The following ZNF24 variants were observed in gnomAD, a reference collection of about 807,000 sequenced individuals.
ZNF24 encodes the protein retinoic acid suppression protein A.
A neutral mutation model predicts 40.9 loss-of-function variants in ZNF24; 11 were observed. The ratio of observed to expected loss-of-function variants is 0.27; its 90% CI spans 0.17 to 0.45. The LOEUF is 0.45. ZNF24 is among the 20% of genes least tolerant of loss of function. The pLI, the probability that ZNF24 is intolerant of heterozygous loss-of-function variation, is 1.00. For synonymous variants in ZNF24, 139 were observed against 154.7 expected, an observed-to-expected ratio of 0.90 and a Z score of 0.75; for missense variants, 293 against 437.7, an observed-to-expected ratio of 0.67 and a Z score of 2.95.
At position 35,332,497 on chromosome 18, in the gene ZNF24, C is replaced by T. The variant is rs2044867461; in HGVS notation, c.*4735G>A. The T allele has an allele frequency of 6.6e-6, 1 of 152,620 alleles. No individual in the cohort carries two copies. Among genetic ancestry groups the T allele is most frequent in the African/African-American group, 2.4e-5 (1 of 41,432 alleles). The allele number at this position is 152,620 out of a possible 1,614,324, so 9.5% of individuals were successfully genotyped here. A position where few individuals can be genotyped will look rare whatever the true frequency, so the allele number is the denominator to read the frequency against. The stretch of plus-strand genomic sequence containing the variant: ...TTAGTTCTCTTTCCATTTCTGCTAG[C>T]ATCCGAGTTTCTCCTCAGACAGACT... On this transcript the variant is annotated 3_prime_UTR_variant, in exon 4 of 4. Transcript: ENST00000261332.
rs1224907886 is a variant in ZNF24 at position 35,339,986 on chromosome 18, G to GA, written c.421-11dup. 1.2e-6 allele frequency: 2 copies of GA among 1,603,806 alleles called. No homozygotes were observed. The highest frequency in any genetic ancestry group is 2.7e-5 in the African/African-American group (2 of 74,648). On this transcript the variant is annotated splice_polypyrimidine_tract_variant and intron_variant, in intron 2 of 3. Coordinates refer to ENST00000261332, the MANE Select transcript of ZNF24 (RefSeq NM_006965.4). Reference sequence around the variant, plus strand: ...GTCGACGGAGAGAAACCTGGAAACAGAAAGATTTGATTCAGAGAAGGAACT... The same window carrying GA: ...GTCGACGGAGAGAAACCTGGAAACAGAAAAGATTTGATTCAGAGAAGGAACT...
chr18:35,339,833 G>C lies in ZNF24; in HGVS notation c.564C>G (p.His188Gln). 1 of 1,601,606 alleles carries C rather than the reference G, an allele frequency of 6.2e-7. No homozygotes were observed. Among genetic ancestry groups the C allele is most frequent in the Non-Finnish European group, 8.5e-7 (1 of 1,170,136 alleles). ...ACACAGAGTTCTGGTCCTCACCACAGTGCCTTAGGGAATGGAGCTCCCAGG... is the reference window on the plus strand; with the variant it reads ...ACACAGAGTTCTGGTCCTCACCACACTGCCTTAGGGAATGGAGCTCCCAGG... ...WASWELHSLRHCDDDGRTENG... is the reference protein window; with the variant it reads ...WASWELHSLRQCDDDGRTENG... The change falls in exon 3 of 4, where the codon CAC becomes CAG. Residue 188 changes from histidine to glutamine, a missense_variant. By Grantham distance (24) the His-to-Gln change is conservative. Around this residue, in one of 2 missense-constraint regions of ZNF24, gnomAD observed 234 missense variants for 299.2 expected, o/e 0.78. Coordinates refer to ENST00000261332, the MANE Select transcript of ZNF24 (RefSeq NM_006965.4).
In ZNF24 at chr18:35,340,514, G is replaced by A. The variant is rs374877566; in HGVS notation, c.137C>T (p.Pro46Leu). The A allele has an allele frequency of 7.4e-6, 12 of 1,614,100 alleles. No homozygotes were observed. The highest frequency in any genetic ancestry group is 1.0e-5 in the Non-Finnish European group (12 of 1,180,044). Residue 46 changes from proline to leucine, a missense_variant, in exon 2 of 4, where the codon CCA becomes CTA. This residue lies in a region of ZNF24 where 234 missense variants were observed against 299.2 expected (regional missense o/e 0.78). Transcript: ENST00000261332. The surrounding 1 kb of genome is among the most constrained non-coding windows in gnomAD (Gnocchi z 4.6). Reference sequence around the variant, plus strand: ...TCGCTGTCGGAAAATCTCTGGGTCTGGGAGATGGTTCCAGGGGATACTTGA... The same window carrying A: ...TCGCTGTCGGAAAATCTCTGGGTCTAGGAGATGGTTCCAGGGGATACTTGA... ...EGSSIPWNHLPDPEIFRQRFR... is the reference protein window; with the variant it reads ...EGSSIPWNHLLDPEIFRQRFR...
intron 3 of ZNF24, chr18:35,338,360 G>A (rs1369243213): frequency 1.0e-6 from 1 of 985,244 alleles, no homozygotes; most frequent in Non-Finnish European, 1.2e-6. Flanking sequence ...AATTCAGTAT[G>A]CCCCTAATAA....
At position 35,340,750 on chromosome 18, in the gene ZNF24, A is replaced by C. The variant is rs2044961717; in HGVS notation, c.-83-17T>G. The stretch of plus-strand genomic sequence containing the variant: ...CAGGCACTCCTGAGGCATAAGAAAT[A>C]AAAGATATATAAATAAGCAAAAATA... On this transcript the variant is annotated splice_polypyrimidine_tract_variant and intron_variant, in intron 1 of 3. Transcript: ENST00000261332. The surrounding 1 kb of genome is among the most constrained non-coding windows in gnomAD (Gnocchi z 4.6). 1.9e-6 allele frequency: 2 copies of C among 1,078,180 alleles called. No homozygotes were observed. The highest frequency in any genetic ancestry group is 5.1e-5 in the East Asian group (2 of 39,588). The allele number at this position is 1,078,180 out of a possible 1,614,324, so 66.8% of individuals were successfully genotyped here. A position where few individuals can be genotyped will look rare whatever the true frequency, so the allele number is the denominator to read the frequency against.
In ZNF24 at chr18:35,332,504, G is replaced by A. The variant is rs1381075686; in HGVS notation, c.*4728C>T. On this transcript the variant is annotated 3_prime_UTR_variant, in exon 4 of 4. Transcript: ENST00000261332. ...TCTTTCCATTTCTGCTAGCATCCGA[G>A]TTTCTCCTCAGACAGACTCTCTCCA... The A allele has an allele frequency of 6.6e-6, 1 of 152,590 alleles. No homozygotes were observed. Among genetic ancestry groups the A allele is most frequent in the Non-Finnish European group, 1.5e-5 (1 of 68,044 alleles). 9.5% of individuals were successfully genotyped at this position (152,590 alleles called of 1,614,324 possible). A position where few individuals can be genotyped will look rare whatever the true frequency, so the allele number is the denominator to read the frequency against.
chr18:35,340,568 A>C lies in ZNF24; in HGVS notation c.83T>G (p.Leu28Trp). 2 of 1,614,196 alleles carry C rather than the reference A, an allele frequency of 1.2e-6. No individual in the cohort carries two copies. Among genetic ancestry groups the C allele is most frequent in the Non-Finnish European group, 1.7e-6 (2 of 1,180,032 alleles). Reference sequence around the variant, plus strand: ...CTCTTCGCCATCAGGATCCTCCTCCAACTTCACTCTCAGAATTTTTTCCTC... The same window carrying C: ...CTCTTCGCCATCAGGATCCTCCTCCCACTTCACTCTCAGAATTTTTTCCTC... ...DEEEKILRVK[L>W]EEDPDGEEGS... The change falls in exon 2 of 4, where the codon TTG becomes TGG. Residue 28 changes from leucine to tryptophan, a missense_variant. Transcript: ENST00000261332. This position sits in a 1 kb window ranked among gnomAD's most constrained non-coding sequence, Gnocchi z 4.6.
chr18:35,337,694 A>C lies in ZNF24; in HGVS notation c.645T>G (p.Val215=), dbSNP rs2044924361. The change falls in exon 4 of 4, where the codon GTT becomes GTG. Residue 215 remains valine, a synonymous_variant. Coordinates refer to ENST00000261332, the MANE Select transcript of ZNF24 (RefSeq NM_006965.4). ...GAACACCCATATTGAGAGTGCCAGG[A>C]ACTTCATGGGATTCTAATGCTGAAG... is the stretch of plus-strand genomic sequence containing the variant. ...ELPSALESHE[V]PGTLNMGVPQ... The C allele has an allele frequency of 6.2e-7, 1 of 1,613,000 alleles. No individual in the cohort carries two copies. Among genetic ancestry groups the C allele is most frequent in the South Asian group, 1.1e-5 (1 of 91,076 alleles).
rs190834800 is a variant in ZNF24, at chr18:35,334,122, G to A, written c.*3110C>T. 2.0e-5 allele frequency: 3 copies of A among 152,188 alleles called. No homozygotes were observed. The highest frequency in any genetic ancestry group is 4.4e-5 in the Non-Finnish European group (3 of 68,000). The allele number at this position is 152,188 out of a possible 1,614,324, so 9.4% of individuals were successfully genotyped here. The stretch of plus-strand genomic sequence containing the variant: ...TATGCCTAAATCTGGAAGAACAAAC[G>A]AAATTATCATGACTTCTCGGTAACA... On this transcript the variant is annotated 3_prime_UTR_variant, in exon 4 of 4. Transcript: ENST00000261332.
intron 3 of ZNF24, 65 bp from the exon 4 acceptor site, chr18:35,337,835 A>AT (rs1555957718): frequency 4.9e-3 from 5,806 of 1,190,290 alleles, no homozygotes; most frequent in Non-Finnish European, 5.6e-3. Flanking sequence ...CCTAAAAAAA[A>AT]TTTTTTTTTT....
intron 1 of ZNF24, among the ~76,000 whole-genome samples, chr18:35,342,945 A>T (rs1485451033): frequency 2.6e-5 from 4 of 152,218 alleles, no homozygotes; most frequent in Admixed American, 2.6e-4. Context: ...GTGCTTTCTA[A>T]ATGTGCCTGA....
intron 3 of ZNF24, among the ~76,000 whole-genome samples, chr18:35,339,308 T>C (rs536152702): frequency 2.0e-5 from 3 of 152,288 alleles, no homozygotes; most frequent in Admixed American, 6.5e-5. Flanking sequence ...GCATAAATAC[T>C]TAGAAAAAGG....
Position 35,344,397 on chromosome 18 carries a change from G to C in ZNF24, c.-121C>G, listed in dbSNP as rs1429991525. ...CCGGCTCAGGAACCGCAGCAGCTTC[G>C]CTGTCCACGGCAGACGCAGAAACGC... is the stretch of plus-strand genomic sequence containing the variant. On this transcript the variant is annotated 5_prime_UTR_variant, in exon 1 of 4. Coordinates refer to ENST00000261332, the MANE Select transcript of ZNF24 (RefSeq NM_006965.4). The C allele has an allele frequency of 6.6e-6, 1 of 152,348 alleles. No individual in the cohort carries two copies. Among genetic ancestry groups the C allele is most frequent in the Non-Finnish European group, 1.5e-5 (1 of 68,140 alleles). The allele number at this position is 152,348 out of a possible 1,614,324, so 9.4% of individuals were successfully genotyped here.
intron 3 of ZNF24, chr18:35,338,527 C>T (rs541512384): frequency 3.4e-5 from 34 of 985,778 alleles, no homozygotes; most frequent in Admixed American, 6.1e-5. Flanking sequence ...GCAGAGATAA[C>T]AGCAAGTGTC....
chr18:35,335,421 A>C lies in ZNF24; in HGVS notation c.*1811T>G, dbSNP rs2044897486. On this transcript the variant is annotated 3_prime_UTR_variant, in exon 4 of 4. Transcript: ENST00000261332. The stretch of plus-strand genomic sequence containing the variant: ...TATAATTGTTATCAGAAAACCTATA[A>C]ACAAGCTCCATTCTGCCTCACTTTT... 6.6e-6 allele frequency: 1 copy of C among 152,170 alleles called. No homozygotes were observed. The highest frequency in any genetic ancestry group is 2.4e-5 in the African/African-American group (1 of 41,452). The allele number at this position is 152,170 out of a possible 1,614,324, so 9.4% of individuals were successfully genotyped here.
chr18:35,340,105 G>C lies in ZNF24; in HGVS notation c.420+126C>G. 6.7e-7 allele frequency: 1 copy of C among 1,482,306 alleles called. No homozygotes were observed. The highest frequency in any genetic ancestry group is 9.2e-7 in the Non-Finnish European group (1 of 1,089,080). 91.8% of individuals were successfully genotyped at this position (1,482,306 alleles called of 1,614,324 possible). A position where few individuals can be genotyped will look rare whatever the true frequency, so the allele number is the denominator to read the frequency against. The stretch of plus-strand genomic sequence containing the variant: ...GGCAAAGCGGCACAGATAACAAGGA[G>C]TGGTAGGGGAATGGGGGAAAAGGCA... On this transcript the variant is annotated intron_variant, in intron 2 of 3. Transcript: ENST00000261332. The surrounding 1 kb of genome is among the most constrained non-coding windows in gnomAD (Gnocchi z 4.6).
At chr18:35,338,673 G>A (rs1026084367) in intron 3 of ZNF24, 1 of 1,059,806 alleles carries the variant, frequency 9.4e-7, no homozygotes, top group South Asian at 4.0e-5. Flanking sequence ...GGCTAAGAGA[G>A]AGAGACTGAA....
In ZNF24 at chr18:35,335,251, T is replaced by C. The variant is rs973854392; in HGVS notation, c.*1981A>G. The C allele has an allele frequency of 3.9e-5, 6 of 152,178 alleles. No homozygotes were observed. Among genetic ancestry groups the C allele is most frequent in the Non-Finnish European group, 7.3e-5 (5 of 68,038 alleles). The allele number at this position is 152,178 out of a possible 1,614,324, so 9.4% of individuals were successfully genotyped here. ...TAGAGCAGAGGAGTTTACAGCTTTA[T>C]TGGACACTGACTTGTTTCCCCTCAG... On this transcript the variant is annotated 3_prime_UTR_variant, in exon 4 of 4. Coordinates refer to ENST00000261332, the MANE Select transcript of ZNF24 (RefSeq NM_006965.4).
chr18:35,333,752 T>G lies in ZNF24; in HGVS notation c.*3480A>C, dbSNP rs2044878991. On this transcript the variant is annotated 3_prime_UTR_variant, in exon 4 of 4. Transcript: ENST00000261332. Reference sequence around the variant, plus strand: ...AAATGTGAAACCTGATCCAATAAATTTCTAGTTATTCATCCTACAGAAATA... The same window carrying G: ...AAATGTGAAACCTGATCCAATAAATGTCTAGTTATTCATCCTACAGAAATA... 6.6e-6 allele frequency: 1 copy of G among 152,184 alleles called. No homozygotes were observed. The highest frequency in any genetic ancestry group is 2.1e-4 in the South Asian group (1 of 4,826). 9.4% of individuals were successfully genotyped at this position (152,184 alleles called of 1,614,324 possible).
Sources: gnomAD v4.1 joint callset for allele counts (sites outside exome capture counted in the v4.1 genomes callset) on GRCh38, gnomAD v4.1.1 for gene constraint, gnomAD v4.1.1 regional missense constraint, Gnocchi (gnomAD v3.1) non-coding constraint, MANE v1.5 for transcripts, NCBI Gene and HGNC (gene_info 2026-07-23, HGNC 2026-07-21) for gene names.